Variants in ZMAT2 observed in about 807,000 individuals in gnomAD.
ZMAT2 encodes the protein zinc finger matrin-type 2, also known as zinc finger matrin-type protein 2.
A neutral mutation model predicts 27.5 loss-of-function variants in ZMAT2; 5 were observed. That is an observed-to-expected ratio of 0.18 (90% CI 0.10 to 0.38). The LOEUF is 0.38. Ranked by LOEUF, ZMAT2 falls within the 10% of genes least tolerant of loss-of-function variation. The pLI, the probability that ZMAT2 is intolerant of heterozygous loss-of-function variation, is 1.00. For synonymous variants in ZMAT2, 76 were observed against 78.6 expected (o/e 0.97, Z 0.17); for missense variants, 124 against 243.9 (o/e 0.51, Z 3.27).
chr5:140,704,277 C>T, intron 4 of ZMAT2, 149 bp from the exon 5 acceptor site: 1 of 1,126,330 alleles, frequency 8.9e-7, no homozygotes, highest in Non-Finnish European at 1.2e-6. Context: ...ATGTGCTGCT[C>T]CTGGACCCAG....
intron 3 of ZMAT2, among the ~76,000 whole-genome samples, chr5:140,702,941 C>T (rs559934621): frequency 3.3e-5 from 5 of 152,214 alleles, no homozygotes; most frequent in Non-Finnish European, 5.9e-5. Flanking sequence ...GTTGTCCATT[C>T]CTGTCTGTAT....
intron 5 of ZMAT2, among the ~76,000 whole-genome samples, chr5:140,704,968 A>G (rs1459510945): frequency 6.6e-6 from 1 of 152,172 alleles, no homozygotes; most frequent in Non-Finnish European, 1.5e-5. Flanking sequence ...TAATGTGCTC[A>G]GAACACATTA....
At position 140,701,989 on chromosome 5, in the gene ZMAT2, TCC is replaced by T. The variant is rs1759972339; in HGVS notation, c.113-14_113-13del. ...AACTATAATATTGAAGGGACTTCCT[TCC>T]CCATTATGTTTCAGGAAAACCAGTG... is the stretch of plus-strand genomic sequence containing the variant. On this transcript the variant is annotated splice_polypyrimidine_tract_variant and intron_variant, in intron 2 of 5. Transcript: ENST00000274712. The T allele has an allele frequency of 3.1e-6, 5 of 1,601,168 alleles. No homozygotes were observed. Among genetic ancestry groups the T allele is most frequent in the Non-Finnish European group, 4.3e-6 (5 of 1,173,942 alleles).
chr5:140,702,499 A>G (rs1219234093), intron 3 of ZMAT2, among the ~76,000 whole-genome samples: 1 of 152,238 alleles, frequency 6.6e-6, no homozygotes, highest in African/African-American at 2.4e-5. Context: ...AACAAAAATC[A>G]TACTATGAGC....
chr5:140,704,098 C>A, intron 4 of ZMAT2, 107 bp downstream of exon 4: 1 of 1,076,318 alleles, frequency 9.3e-7, no homozygotes. Context: ...CAAAAGATGG[C>A]TGGAGTAAGA....
chr5:140,702,172 T>C (rs781238330), intron 3 of ZMAT2, 43 bp downstream of exon 3: 1 of 1,603,034 alleles, frequency 6.2e-7, no homozygotes, highest in Non-Finnish European at 8.5e-7. Flanking sequence ...AGAATGCATC[T>C]AATAAGCCAC....
chr5:140,705,868 C>A lies in ZMAT2; in HGVS notation c.*112C>A. 1 of 1,397,632 alleles carries A rather than the reference C, an allele frequency of 7.2e-7. No homozygotes were observed. The highest frequency in any genetic ancestry group is 9.7e-7 in the Non-Finnish European group (1 of 1,031,764). The allele number at this position is 1,397,632 out of a possible 1,614,324, so 86.6% of individuals were successfully genotyped here. A position where few individuals can be genotyped will look rare whatever the true frequency, so the allele number is the denominator to read the frequency against. On this transcript the variant is annotated 3_prime_UTR_variant, in exon 6 of 6. Transcript: ENST00000274712. ...GTAATGGGAAAGTTCTTAAGAGTGT[C>A]AATGGGGAGGGATAGAGGGTGGGGG...
intron 5 of ZMAT2, among the ~76,000 whole-genome samples, 199 bp downstream of exon 5, chr5:140,704,770 TC>T (rs1332354347): frequency 1.8e-4 from 27 of 151,740 alleles, no homozygotes; most frequent in Middle Eastern, 3.4e-3. Context: ...TACTTTTTTC[TC>T]CTAGACTCTC....
At chr5:140,704,028 T>C (rs932084899) in intron 4 of ZMAT2, 37 bp downstream of exon 4, 4 of 1,600,938 alleles carry the variant, frequency 2.5e-6, no homozygotes, top group East Asian at 2.2e-5. Context: ...AGGGCTGGAA[T>C]TGGGTTTTGG....
Position 140,705,886 on chromosome 5 carries a change from G to C in ZMAT2, c.*130G>C, listed in dbSNP as rs541475565. 3 of 1,250,882 alleles carry C rather than the reference G, an allele frequency of 2.4e-6. No homozygotes were observed. Among genetic ancestry groups the C allele is most frequent in the African/African-American group, 3.0e-5 (2 of 66,494 alleles). 77.5% of individuals were successfully genotyped at this position (1,250,882 alleles called of 1,614,324 possible). ...AGAGTGTCAATGGGGAGGGATAGAG[G>C]GTGGGGGCTCATGGTTTCCCTCTAC... On this transcript the variant is annotated 3_prime_UTR_variant, in exon 6 of 6. Transcript: ENST00000274712.
At chr5:140,700,499 G>C in intron 1 of ZMAT2, 21 bp downstream of exon 1, 1 of 1,612,986 alleles carries the variant, frequency 6.2e-7, no homozygotes, top group Non-Finnish European at 8.5e-7. Context: ...TGTCTGAGGA[G>C]GAGGTTTTGC....
At chr5:140,702,168 C>A in intron 3 of ZMAT2, 39 bp downstream of exon 3, 1 of 1,604,130 alleles carries the variant, frequency 6.2e-7, no homozygotes, top group Non-Finnish European at 8.5e-7. Context: ...GCCAAGAATG[C>A]ATCTAATAAG....
chr5:140,701,130 C>T (rs530518207), intron 2 of ZMAT2, among the ~76,000 whole-genome samples: 107 of 152,294 alleles, frequency 7.0e-4, no homozygotes, highest in Non-Finnish European at 6.5e-4. Context: ...CACTCTGCTT[C>T]CTTGCCCACC....
At chr5:140,702,707 A>G (rs1167441982) in intron 3 of ZMAT2, among the ~76,000 whole-genome samples, 1 of 152,208 alleles carries the variant, frequency 6.6e-6, no homozygotes, top group Admixed American at 6.5e-5. Context: ...TTAATGGTGA[A>G]GAAGAGGGGT....
In ZMAT2 at chr5:140,706,630, T is replaced by C. The variant is rs1026669007; in HGVS notation, c.*874T>C. ...CGTCGGTCTTAGAAGCTGTTTGACA[T>C]GTATAATAAATGGCATTGACTGGGC... On this transcript the variant is annotated 3_prime_UTR_variant, in exon 6 of 6. Coordinates refer to ENST00000274712, the MANE Select transcript of ZMAT2 (RefSeq NM_144723.3). The C allele has an allele frequency of 6.6e-6, 1 of 152,670 alleles. No individual in the cohort carries two copies. The highest frequency in any genetic ancestry group is 2.4e-5 in the African/African-American group (1 of 41,456). 9.5% of individuals were successfully genotyped at this position (152,670 alleles called of 1,614,324 possible).
Position 140,705,794 on chromosome 5 carries a change from A to G in ZMAT2, c.*38A>G. The stretch of plus-strand genomic sequence containing the variant: ...TTGGCCTGACTTTGGCCTATGCTGG[A>G]CCTAACTTTGCGTGTGTGTGTGTGT... On this transcript the variant is annotated 3_prime_UTR_variant, in exon 6 of 6. Coordinates refer to ENST00000274712, the MANE Select transcript of ZMAT2 (RefSeq NM_144723.3). 1.9e-6 allele frequency: 3 copies of G among 1,605,062 alleles called. No individual in the cohort carries two copies. Among genetic ancestry groups the G allele is most frequent in the Non-Finnish European group, 2.6e-6 (3 of 1,176,016 alleles).
At position 140,703,904 on chromosome 5, in the gene ZMAT2, T is replaced by C; in HGVS notation, c.237-14T>C. The C allele has an allele frequency of 6.2e-7, 1 of 1,613,084 alleles. No homozygotes were observed. The highest frequency in any genetic ancestry group is 8.5e-7 in the Non-Finnish European group (1 of 1,179,288). ...AAAACCATATTTGACTCAGGTGCTGTTTCTTCCTGTTAGATATTACTGCAA... is the reference window on the plus strand; with the variant it reads ...AAAACCATATTTGACTCAGGTGCTGCTTCTTCCTGTTAGATATTACTGCAA... On this transcript the variant is annotated splice_polypyrimidine_tract_variant and intron_variant, in intron 3 of 5. Coordinates refer to ENST00000274712, the MANE Select transcript of ZMAT2 (RefSeq NM_144723.3).
At chr5:140,701,693 C>A (rs565662238) in intron 2 of ZMAT2, among the ~76,000 whole-genome samples, 7 of 152,224 alleles carry the variant, frequency 4.6e-5, no homozygotes, top group South Asian at 2.1e-4. Flanking sequence ...TGTCCTTGCT[C>A]CCGTTTTGAA....
At chr5:140,700,746 C>T (rs1759944520) in intron 1 of ZMAT2, 73 bp from the exon 2 acceptor site, 6 of 1,538,676 alleles carry the variant, frequency 3.9e-6, no homozygotes, top group South Asian at 1.1e-5. Flanking sequence ...ACCTGGACCG[C>T]GAGGGCGCGG....
Sources: gnomAD v4.1 joint callset for allele counts (sites outside exome capture counted in the v4.1 genomes callset) on GRCh38, gnomAD v4.1.1 for gene constraint, MANE v1.5 for transcripts, NCBI Gene and HGNC (gene_info 2026-07-23, HGNC 2026-07-21) for gene names.